The following IFNGR2 variants were observed in gnomAD, a reference collection of about 807,000 sequenced individuals.
The protein encoded by IFNGR2 is interferon gamma receptor 2.
A neutral mutation model predicts 41.1 loss-of-function variants in IFNGR2; 15 were observed. The observed-to-expected ratio is 0.37, with a 90% CI of 0.24 to 0.56. IFNGR2 has a LOEUF of 0.56. Among genes scored for constraint, IFNGR2 ranks in the 20% least tolerant of loss-of-function variants. The probability of loss-of-function intolerance (pLI) is 0.81; values close to 1 mark genes in which losing one functional copy is unlikely to be tolerated. For missense variants in IFNGR2, 362 were observed against 415.7 expected (o/e 0.87, Z 1.12); for synonymous variants, 161 against 171.6 (o/e 0.94, Z 0.48).
intron 4 of IFNGR2, among the ~76,000 whole-genome samples, chr21:33,429,032 C>T (rs752123413): frequency 1.2e-4 from 19 of 152,198 alleles, no homozygotes; most frequent in Non-Finnish European, 2.5e-4. Flanking sequence ...CAGGCTTCCA[C>T]TGCCTGGGAC....
chr21:33,408,183 G>A (rs561541271), intron 1 of IFNGR2, among the ~76,000 whole-genome samples: 14 of 152,034 alleles, frequency 9.2e-5, no homozygotes, highest in African/African-American at 3.4e-4. Flanking sequence ...TAAGACCCAG[G>A]ATATCCTCCT....
chr21:33,415,285 G>C (rs1031510460), intron 2 of IFNGR2, among the ~76,000 whole-genome samples: 1 of 152,164 alleles, frequency 6.6e-6, no homozygotes, highest in Non-Finnish European at 1.5e-5. Context: ...TTCTTTCGCT[G>C]GTTTCAGGAG....
chr21:33,409,171 T>C (rs2083698941), intron 1 of IFNGR2, among the ~76,000 whole-genome samples: 1 of 133,750 alleles, frequency 7.5e-6, no homozygotes, highest in Non-Finnish European at 1.6e-5. Flanking sequence ...AACAAGACTG[T>C]CTCAAAAAAA....
At chr21:33,436,731 A>G in intron 6 of IFNGR2, 97 bp from the exon 7 acceptor site, 1 of 1,016,322 alleles carries the variant, frequency 9.8e-7, no homozygotes, top group Non-Finnish European at 1.4e-6. Flanking sequence ...AAAAAAAAAT[A>G]AAAATAAAAA....
intron 1 of IFNGR2, among the ~76,000 whole-genome samples, chr21:33,407,855 C>CCG (rs1555878969): frequency 6.9e-6 from 1 of 143,996 alleles, no homozygotes; most frequent in East Asian, 2.0e-4. Context: ...CACCCCCCCC[C>CCG]GCCAACCCCC....
At chr21:33,424,306 A>G (rs2083818044) in intron 3 of IFNGR2, among the ~76,000 whole-genome samples, 1 of 151,830 alleles carries the variant, frequency 6.6e-6, no homozygotes, top group Non-Finnish European at 1.5e-5. Context: ...GTCATTTAAA[A>G]AAAAAAAGGA....
intron 4 of IFNGR2, among the ~76,000 whole-genome samples, chr21:33,430,559 T>A (rs1267886232): frequency 6.6e-6 from 1 of 152,184 alleles, no homozygotes; most frequent in African/African-American, 2.4e-5. Flanking sequence ...CCTCCCACTT[T>A]GGCCTTCCGA....
At chr21:33,417,674 G>A (rs1339062012) in intron 2 of IFNGR2, among the ~76,000 whole-genome samples, 1 of 152,106 alleles carries the variant, frequency 6.6e-6, no homozygotes, top group Admixed American at 6.5e-5. Context: ...TTCTGAGAAC[G>A]GGCTTGATGT....
chr21:33,423,241 A>G (rs9979036), intron 3 of IFNGR2, among the ~76,000 whole-genome samples: 137,226 of 150,834 alleles, frequency 0.91, 62,674 homozygotes, highest in East Asian at 1. Flanking sequence ...GGGTTTCACC[A>G]TGTTAGCCAG....
intron 2 of IFNGR2, 127 bp from the exon 3 acceptor site, chr21:33,421,352 CG>C (rs71322208): frequency 3.0e-5 from 17 of 565,490 alleles, no homozygotes; most frequent in Non-Finnish European, 4.2e-5. Context: ...AAAAAAAAAG[CG>C]GGGGGGAACT....
At chr21:33,423,273 TTG>T in intron 3 of IFNGR2, among the ~76,000 whole-genome samples, 1 of 152,110 alleles carries the variant, frequency 6.6e-6, no homozygotes, top group South Asian at 2.1e-4. Context: ...ACTCCTGACC[TTG>T]TGATCCGCCC....
At chr21:33,416,738 C>T (rs556134353) in intron 2 of IFNGR2, among the ~76,000 whole-genome samples, 107 of 149,468 alleles carry the variant, frequency 7.2e-4, no homozygotes, top group African/African-American at 2.5e-3. Context: ...AGGAGAATGG[C>T]GTGAACCCGG....
At chr21:33,433,384 A>T (rs2083909588) in intron 6 of IFNGR2, among the ~76,000 whole-genome samples, 1 of 152,234 alleles carries the variant, frequency 6.6e-6, no homozygotes, top group African/African-American at 2.4e-5. Flanking sequence ...GGATTAATAG[A>T]TAAATCTTTA....
In IFNGR2 at chr21:33,436,860, G is replaced by A. The variant is rs771783691; in HGVS notation, c.912G>A (p.Glu304=). ...YLKDPTQPIL[E]ALDKDSSPKD... ...AAGACCCAACTCAGCCCATCTTAGA[G>A]GCCTTGGACAAGGACAGCTCACCAA... is the stretch of plus-strand genomic sequence containing the variant. Residue 304 remains glutamate, a synonymous_variant, in exon 7 of 7, where the codon GAG becomes GAA. Coordinates refer to ENST00000290219, the MANE Select transcript of IFNGR2 (RefSeq NM_005534.4). 1 of 1,614,060 alleles carries A rather than the reference G, an allele frequency of 6.2e-7. No homozygotes were observed. Among genetic ancestry groups the A allele is most frequent in the East Asian group, 2.2e-5 (1 of 44,886 alleles).
At chr21:33,421,826 G>A (rs1568956940) in intron 3 of IFNGR2, 141 bp downstream of exon 3, 4 of 760,342 alleles carry the variant, frequency 5.3e-6, no homozygotes. Context: ...CCCACACTCT[G>A]ACCTTGGAGG....
chr21:33,425,509 G>A (rs1434855561), intron 3 of IFNGR2, among the ~76,000 whole-genome samples: 2 of 152,192 alleles, frequency 1.3e-5, no homozygotes, highest in Non-Finnish European at 2.9e-5. Flanking sequence ...GATGCCCAAA[G>A]AATGTGTCCA....
At position 33,421,528 on chromosome 21, in the gene IFNGR2, T is replaced by C. The variant is rs757139767; in HGVS notation, c.255T>C (p.Asn85=). Residue 85 remains asparagine, a synonymous_variant, in exon 3 of 7, where the codon AAT becomes AAC. Transcript: ENST00000290219. ...CCGACATCATGTCCATAGGGGTGAA[T>C]TGTACACAGATCACAGCAACAGAGT... The part of the protein sequence containing the change: ...FTADIMSIGV[N]CTQITATECD... The C allele has an allele frequency of 4.3e-6, 7 of 1,613,810 alleles. No homozygotes were observed. The highest frequency in any genetic ancestry group is 2.2e-5 in the South Asian group (2 of 91,060).
At chr21:33,425,522 GC>G (rs1422972944) in intron 3 of IFNGR2, among the ~76,000 whole-genome samples, 4 of 152,208 alleles carry the variant, frequency 2.6e-5, no homozygotes, top group Admixed American at 6.5e-5. Context: ...TGTGTCCAAA[GC>G]CAGTCCCTGC....
intron 3 of IFNGR2, 131 bp from the exon 4 acceptor site, chr21:33,426,753 C>T (rs1161051300): frequency 8.1e-6 from 4 of 493,954 alleles, no homozygotes; most frequent in Non-Finnish European, 1.3e-5. Context: ...TAGATAAAAA[C>T]GTGTGTGTAT....
Sources: allele counts gnomAD v4.1 joint callset (sites outside exome capture counted in the v4.1 genomes callset), GRCh38; gene constraint gnomAD v4.1.1; transcripts MANE v1.5; gene names NCBI Gene and HGNC (gene_info 2026-07-23, HGNC 2026-07-21).